Variants in NFIB observed in about 807,000 individuals in gnomAD.
NFIB encodes the protein nuclear factor 1 B-type.
NFIB carries 11 observed loss-of-function variants against 61.5 expected under a neutral mutation model. The observed-to-expected ratio is 0.18, with a 90% CI of 0.11 to 0.30. NFIB has a LOEUF of 0.30. NFIB is among the 10% of genes least tolerant of loss of function. The pLI, the probability that NFIB is intolerant of heterozygous loss-of-function variation, is 1.00. For missense variants in NFIB, 471 were observed against 608.9 expected (o/e 0.77, Z 2.38); for synonymous variants, 260 against 216.5 (o/e 1.20, Z -1.76).
chr9:14,157,761 A>G (rs1587130809), intron 3 of NFIB, among the ~76,000 whole-genome samples: 1 of 152,152 alleles, frequency 6.6e-6, no homozygotes, highest in Non-Finnish European at 1.5e-5. Context: ...TTACTATCAT[A>G]TAGAAAGATT....
chr9:14,506,025 C>A, the NFIB span, among the ~76,000 whole-genome samples: 7 of 152,164 alleles, frequency 4.6e-5, 1 homozygote, highest in African/African-American at 1.7e-4. Flanking sequence ...AAAACATATG[C>A]AGCCAAATAG....
upstream of NFIB, among the ~76,000 whole-genome samples, chr9:14,319,080 C>A (rs1235294596): frequency 2.0e-5 from 3 of 152,030 alleles, no homozygotes; most frequent in Non-Finnish European, 4.4e-5. Context: ...TAACCTTGGA[C>A]CTTTTTCTCC....
the NFIB span, among the ~76,000 whole-genome samples, chr9:14,448,304 T>C: frequency 1.1e-4 from 16 of 152,360 alleles, no homozygotes; most frequent in Admixed American, 4.6e-4. Context: ...AGATTTTTCA[T>C]TCTTCATTAA....
chr9:14,244,942 T>C (rs1563939257), intron 2 of NFIB, among the ~76,000 whole-genome samples: 2 of 152,194 alleles, frequency 1.3e-5, no homozygotes, highest in Non-Finnish European at 2.9e-5. Flanking sequence ...GGTGTCCGGA[T>C]TCTCCTCCTA....
chr9:14,296,836 T>C (rs1248522187), intron 2 of NFIB, among the ~76,000 whole-genome samples: 1 of 152,252 alleles, frequency 6.6e-6, no homozygotes, highest in Non-Finnish European at 1.5e-5. Flanking sequence ...AAGGGGGATA[T>C]GCTGAACGTC....
chr9:14,131,679 A>C (rs1367811786), intron 6 of NFIB, among the ~76,000 whole-genome samples: 4 of 152,226 alleles, frequency 2.6e-5, no homozygotes, highest in Admixed American at 1.3e-4. Context: ...GCCCTTAATT[A>C]AACTGTTGTT....
At chr9:14,260,964 T>C (rs1358333423) in intron 2 of NFIB, among the ~76,000 whole-genome samples, 4 of 142,884 alleles carry the variant, frequency 2.8e-5, no homozygotes, top group East Asian at 2.1e-4. Flanking sequence ...CCTGTAGGTA[T>C]ACTAAATTGG....
chr9:14,264,850 C>T (rs1398557691), intron 2 of NFIB, among the ~76,000 whole-genome samples: 1 of 151,652 alleles, frequency 6.6e-6, no homozygotes, highest in African/African-American at 2.4e-5. Context: ...TGATAGCAAC[C>T]CAAGCAGATA....
chr9:14,363,201 G>A (rs764731247), intron 1 of NFIB, among the ~76,000 whole-genome samples: 1 of 151,908 alleles, frequency 6.6e-6, no homozygotes, highest in Non-Finnish European at 1.5e-5. Flanking sequence ...TGTCTTTTAC[G>A]GACACTCCCT....
chr9:14,186,219 G>C (rs563233095), intron 2 of NFIB, among the ~76,000 whole-genome samples: 2 of 152,276 alleles, frequency 1.3e-5, no homozygotes, highest in African/African-American at 2.4e-5. Context: ...AGGGATATCA[G>C]AGGAGTAAAT....
At chr9:14,484,576 A>C in the NFIB span, among the ~76,000 whole-genome samples, 12 of 152,246 alleles carry the variant, frequency 7.9e-5, no homozygotes, top group Admixed American at 3.9e-4. Flanking sequence ...ATAGCAATAC[A>C]AACATAGGTA....
intron 3 of NFIB, among the ~76,000 whole-genome samples, chr9:14,177,118 T>C (rs1372416703): frequency 1.3e-5 from 2 of 152,204 alleles, no homozygotes; most frequent in African/African-American, 4.8e-5. Flanking sequence ...TTTGATTGTT[T>C]CATTGCTTGT....
rs977994382 is a variant in NFIB at position 14,208,889 on chromosome 9, T to G, written c.563-29109A>C. 1.4e-4 allele frequency among the ~76,000 whole-genome samples: 21 copies of G among 152,190 alleles called. 1 individual carries two copies. In the South Asian group the frequency reaches 1.4e-3, roughly 10 times the overall value. ...TTTTTAAGTTTAGTTTCCAATATGA[T>G]ATTATTTCTGCCCTCATCTCTTCCT... On this transcript the variant is annotated intron_variant, in intron 2 of 10. Coordinates refer to ENST00000380953, the MANE Select transcript of NFIB (RefSeq NM_001190737.2).
At chr9:14,438,057 T>A in the NFIB span, among the ~76,000 whole-genome samples, 1 of 149,674 alleles carries the variant, frequency 6.7e-6, no homozygotes, top group Non-Finnish European at 1.5e-5. Flanking sequence ...TGTGCACGCA[T>A]GTGTGTGTGT....
At chr9:14,472,281 G>A in the NFIB span, among the ~76,000 whole-genome samples, 1 of 152,174 alleles carries the variant, frequency 6.6e-6, no homozygotes, top group East Asian at 1.9e-4. Flanking sequence ...AGTTATGGAC[G>A]AAAGTGTATT....
chr9:14,229,653 A>G (rs1196351284), intron 2 of NFIB, among the ~76,000 whole-genome samples: 2 of 152,202 alleles, frequency 1.3e-5, no homozygotes, highest in Non-Finnish European at 2.9e-5. Context: ...AAATTCTTGA[A>G]GGAAGCCAGG....
intron 1 of NFIB, among the ~76,000 whole-genome samples, chr9:14,340,325 G>A (rs2060935188): frequency 6.6e-6 from 1 of 152,154 alleles, no homozygotes; most frequent in Non-Finnish European, 1.5e-5. Flanking sequence ...TCACCAAGAG[G>A]CACTATTCTC....
chr9:14,313,820 T>C lies in NFIB; in HGVS notation c.-309A>G, dbSNP rs2060406719. ...CCGCCGGTGTTGGCTGCTTTTCGCC[T>C]GGGTTTGGGGATTTGTTTTCTATTT... On this transcript the variant is annotated 5_prime_UTR_variant, in exon 1 of 11. Coordinates refer to ENST00000380953, the MANE Select transcript of NFIB (RefSeq NM_001190737.2). This position sits in a 1 kb window ranked among gnomAD's most constrained non-coding sequence, Gnocchi z 4.5. 5 of 1,307,940 alleles carry C rather than the reference T, an allele frequency of 3.8e-6. No individual in the cohort carries two copies. The highest frequency in any genetic ancestry group is 4.9e-6 in the Non-Finnish European group (5 of 1,026,620). The allele number at this position is 1,307,940 out of a possible 1,614,324, so 81.0% of individuals were successfully genotyped here. A position where few individuals can be genotyped will look rare whatever the true frequency, so the allele number is the denominator to read the frequency against.
intron 3 of NFIB, among the ~76,000 whole-genome samples, chr9:14,161,390 C>T (rs1587168897): frequency 2.0e-5 from 3 of 151,924 alleles, no homozygotes; most frequent in Admixed American, 1.3e-4. Context: ...CGTAAACCCA[C>T]GAGGATGATT....
Sources: gnomAD v4.1 joint callset for allele counts (sites outside exome capture counted in the v4.1 genomes callset) on GRCh38, gnomAD v4.1.1 for gene constraint, Gnocchi (gnomAD v3.1) non-coding constraint, MANE v1.5 for transcripts, NCBI Gene and HGNC (gene_info 2026-07-23, HGNC 2026-07-21) for gene names.